The following PDSS2 variants were observed in gnomAD, a reference collection of about 807,000 sequenced individuals.
The protein encoded by PDSS2 is decaprenyl diphosphate synthase subunit 2.
PDSS2 carries 31 observed loss-of-function variants against 44.5 expected under a neutral mutation model. That is an observed-to-expected ratio of 0.70 (90% confidence interval 0.52 to 0.94). The LOEUF (loss-of-function observed/expected upper bound fraction) is 0.94, where lower values mean the gene tolerates loss of function less well. Ranked by LOEUF, PDSS2 falls within the 40% of genes least tolerant of loss-of-function variation. The probability of loss-of-function intolerance (pLI) is 0.00; values close to 1 mark genes in which losing one functional copy is unlikely to be tolerated. For synonymous variants in PDSS2, 157 were observed against 180.3 expected, an observed-to-expected ratio of 0.87 and a Z score of 1.03; for missense variants, 452 against 482.2, an observed-to-expected ratio of 0.94 and a Z score of 0.59.
chr6:107,396,908 G>C (rs1392868236), intron 1 of PDSS2, among the ~76,000 whole-genome samples: 1 of 151,790 alleles, frequency 6.6e-6, no homozygotes, highest in Non-Finnish European at 1.5e-5. Flanking sequence ...ACCCAGGCTG[G>C]TCCTGAACTC....
chr6:107,309,123 A>G (rs1019508204), intron 2 of PDSS2, among the ~76,000 whole-genome samples: 2 of 152,280 alleles, frequency 1.3e-5, no homozygotes, highest in Non-Finnish European at 1.5e-5. Flanking sequence ...TACTTAAATT[A>G]GGCTACCAAA....
At chr6:107,185,052 C>A (rs1216684145) in intron 7 of PDSS2, among the ~76,000 whole-genome samples, 1 of 145,270 alleles carries the variant, frequency 6.9e-6, no homozygotes, top group Non-Finnish European at 1.5e-5. Context: ...ATGGGAGGAT[C>A]TCTTGAGCCC....
At chr6:107,272,935 T>A (rs369376659) in intron 3 of PDSS2, among the ~76,000 whole-genome samples, 2 of 152,128 alleles carry the variant, frequency 1.3e-5, no homozygotes, top group Non-Finnish European at 1.5e-5. Flanking sequence ...TTTATTTATT[T>A]TTTTTATTTT....
intron 4 of PDSS2, among the ~76,000 whole-genome samples, chr6:107,230,676 T>A (rs1288811792): frequency 6.6e-6 from 1 of 151,810 alleles, no homozygotes; most frequent in Non-Finnish European, 1.5e-5. Flanking sequence ...AGCCAGGGCA[T>A]GTTTTTCTCA....
intron 3 of PDSS2, among the ~76,000 whole-genome samples, chr6:107,249,112 T>TTGCC (rs1205790709): frequency 6.6e-6 from 1 of 152,214 alleles, no homozygotes; most frequent in Non-Finnish European, 1.5e-5. Flanking sequence ...AACTGCCAAG[T>TTGCC]TGCATCAAAC....
chr6:107,367,226 A>G (rs920708003), intron 1 of PDSS2, among the ~76,000 whole-genome samples: 4 of 152,336 alleles, frequency 2.6e-5, no homozygotes, highest in African/African-American at 9.6e-5. Context: ...TAATATCCAT[A>G]TTAATAAATA....
intron 7 of PDSS2, among the ~76,000 whole-genome samples, chr6:107,163,926 C>T (rs529663139): frequency 1.3e-5 from 2 of 152,142 alleles, no homozygotes; most frequent in South Asian, 2.1e-4. Flanking sequence ...TTTAAATAAA[C>T]GTGACAACAG....
intron 1 of PDSS2, among the ~76,000 whole-genome samples, chr6:107,415,321 T>C (rs1780624260): frequency 6.6e-6 from 1 of 152,128 alleles, no homozygotes. Context: ...AAAAAATTTT[T>C]TTTTGTTAAT....
chr6:107,379,779 T>C (rs1583013819), intron 1 of PDSS2, among the ~76,000 whole-genome samples: 1 of 152,144 alleles, frequency 6.6e-6, no homozygotes, highest in Non-Finnish European at 1.5e-5. Context: ...TGTTTAGGTA[T>C]ATATTTTCTA....
chr6:107,235,844 T>C (rs947500583), intron 4 of PDSS2, among the ~76,000 whole-genome samples: 10 of 152,026 alleles, frequency 6.6e-5, no homozygotes, highest in African/African-American at 2.4e-4. Context: ...GCATATTAAG[T>C]AGAAACACAG....
chr6:107,309,231 T>A (rs957394153), intron 2 of PDSS2, among the ~76,000 whole-genome samples: 3 of 152,236 alleles, frequency 2.0e-5, no homozygotes, highest in African/African-American at 7.2e-5. Flanking sequence ...TAATTTCACC[T>A]GCACATTTTC....
At chr6:107,444,944 G>C (rs1781622223) in intron 1 of PDSS2, among the ~76,000 whole-genome samples, 1 of 152,084 alleles carries the variant, frequency 6.6e-6, no homozygotes, top group African/African-American at 2.4e-5. Context: ...AAAGCAAAAG[G>C]AGTATTTAAA....
intron 1 of PDSS2, among the ~76,000 whole-genome samples, chr6:107,377,928 CTAATGCTAAATGACGAGT>C (rs1447228631): frequency 2.0e-5 from 3 of 151,626 alleles, no homozygotes; most frequent in Non-Finnish European, 4.4e-5. Context: ...GGAGATATAC[CTAATGCTAAATGACGAGT>C]TAATGGGTGC....
At chr6:107,380,005 C>A (rs900441407) in intron 1 of PDSS2, among the ~76,000 whole-genome samples, 1 of 150,564 alleles carries the variant, frequency 6.6e-6, no homozygotes, top group Non-Finnish European at 1.5e-5. Context: ...AATATTTTTT[C>A]TTCTGTACTA....
At chr6:107,295,779 T>C (rs989123300) in intron 2 of PDSS2, among the ~76,000 whole-genome samples, 1 of 152,158 alleles carries the variant, frequency 6.6e-6, no homozygotes, top group Non-Finnish European at 1.5e-5. Flanking sequence ...CAGCAATAAA[T>C]GGTCTTTTAT....
rs1028130577 is a variant in PDSS2 at position 107,410,741 on chromosome 6, G to A, written c.296+48249C>T. ...GACCTCAGGTGATCTGCCCGCCTCA[G>A]CCTCCCAAAGTGCTGAGATTACAGG... On this transcript the variant is annotated intron_variant, in intron 1 of 7. Transcript: ENST00000369037. Among the ~76,000 whole-genome samples, 5 of 152,124 alleles carry A rather than the reference G, an allele frequency of 3.3e-5. No homozygotes were observed. In the South Asian group the frequency reaches 1.0e-3, roughly 32 times the overall value.
intron 2 of PDSS2, among the ~76,000 whole-genome samples, chr6:107,298,648 T>A (rs1284213583): frequency 1.3e-5 from 2 of 152,252 alleles, no homozygotes; most frequent in African/African-American, 4.8e-5. Context: ...TGTATGCATA[T>A]ATGTGTGTGT....
chr6:107,198,827 CA>C (rs1772658217), intron 6 of PDSS2, among the ~76,000 whole-genome samples: 1 of 151,524 alleles, frequency 6.6e-6, no homozygotes, highest in African/African-American at 2.4e-5. Context: ...ACAACAACAA[CA>C]ACAACAACAC....
intron 1 of PDSS2, among the ~76,000 whole-genome samples, chr6:107,408,675 C>T (rs1041585653): frequency 6.6e-6 from 1 of 152,180 alleles, no homozygotes; most frequent in East Asian, 1.9e-4. Context: ...GCTTCTGCCA[C>T]ACCTACAGAA....
Sources: allele counts gnomAD v4.1 joint callset (sites outside exome capture counted in the v4.1 genomes callset), GRCh38; gene constraint gnomAD v4.1.1; transcripts MANE v1.5; gene names NCBI Gene and HGNC (gene_info 2026-07-23, HGNC 2026-07-21).